The following MOXD1 variants were observed in gnomAD, a reference collection of about 807,000 sequenced individuals.
MOXD1 encodes the protein DBH-like monooxygenase protein 1.
MOXD1 carries 62 observed loss-of-function variants against 66.6 expected under a neutral mutation model. The observed-to-expected ratio is 0.93, with a 90% CI of 0.76 to 1.15. The LOEUF (loss-of-function observed/expected upper bound fraction) is 1.15. Ranked by LOEUF, MOXD1 falls within the 50% of genes most tolerant of loss-of-function variation. The pLI is 0.00. For missense variants in MOXD1, 847 were observed against 754.6 expected (o/e 1.12, Z -1.44); for synonymous variants, 303 against 281.9 (o/e 1.07, Z -0.75).
rs549191444 is a variant in MOXD1, at chr6:132,377,437, T to C, written c.265-2660A>G. On this transcript the variant is annotated intron_variant, in intron 1 of 11. Transcript: ENST00000367963. ...AAAGAGTAGAATAATTATCCGAGTC[T>C]TGCAAATATGTTTCCAAAACCATTA... is the stretch of plus-strand genomic sequence containing the variant. Among the ~76,000 whole-genome samples the C allele has an allele frequency of 3.0e-4, 45 of 152,354 alleles. 1 individual carries two copies. The highest frequency in any genetic ancestry group is 6.8e-3 in the Middle Eastern group (2 of 294).
chr6:132,297,186 T>A lies in MOXD1; in HGVS notation c.1809A>T (p.Leu603=). ...FSINLLVCLL[L]LSCTLSTKSL ...TCTTGGTGCTCAGCGTGCAGCTGAGTAGCAGAAGGCAAACAAGCAAGTTGA... is the reference window on the plus strand; with the variant it reads ...TCTTGGTGCTCAGCGTGCAGCTGAGAAGCAGAAGGCAAACAAGCAAGTTGA... The change falls in exon 12 of 12, where the codon CTA becomes CTT. Residue 603 remains leucine (L), a synonymous_variant. Coordinates refer to ENST00000367963, the MANE Select transcript of MOXD1 (RefSeq NM_015529.4). The A allele has an allele frequency of 6.2e-7, 1 of 1,613,408 alleles. No individual in the cohort carries two copies. Among genetic ancestry groups the A allele is most frequent in the Non-Finnish European group, 8.5e-7 (1 of 1,179,582 alleles).
chr6:132,369,945 T>C (rs1776230601), intron 4 of MOXD1, among the ~76,000 whole-genome samples: 1 of 152,104 alleles, frequency 6.6e-6, no homozygotes, highest in African/African-American at 2.4e-5. Context: ...AAACTGCAAA[T>C]ACAAACAAAT....
chr6:132,388,856 A>T (rs1023292234), intron 1 of MOXD1, among the ~76,000 whole-genome samples: 20 of 151,292 alleles, frequency 1.3e-4, no homozygotes, highest in Admixed American at 4.6e-4. Context: ...ACAACTGTTA[A>T]ATTTTAAACT....
At chr6:132,381,870 A>G (rs1267024552) in intron 1 of MOXD1, among the ~76,000 whole-genome samples, 2 of 152,124 alleles carry the variant, frequency 1.3e-5, no homozygotes, top group Non-Finnish European at 1.5e-5. Flanking sequence ...AACTTCCTAC[A>G]TCATTTTCAC....
intron 4 of MOXD1, among the ~76,000 whole-genome samples, chr6:132,369,789 C>T (rs1024112456): frequency 3.3e-5 from 5 of 152,064 alleles, no homozygotes; most frequent in African/African-American, 1.2e-4. Flanking sequence ...AAGATTTCAT[C>T]AAGCTACTCA....
At chr6:132,321,812 G>A (rs1400463746) in intron 8 of MOXD1, among the ~76,000 whole-genome samples, 4 of 152,104 alleles carry the variant, frequency 2.6e-5, no homozygotes, top group African/African-American at 9.7e-5. Flanking sequence ...TCTACTCTCC[G>A]GATGTATCAA....
chr6:132,377,898 G>A (rs938948525), intron 1 of MOXD1, among the ~76,000 whole-genome samples: 1 of 152,032 alleles, frequency 6.6e-6, no homozygotes, highest in Non-Finnish European at 1.5e-5. Flanking sequence ...GAGGCCAAGG[G>A]GGGTGGATCA....
intron 4 of MOXD1, among the ~76,000 whole-genome samples, chr6:132,359,635 C>T (rs1775976605): frequency 6.6e-6 from 1 of 151,826 alleles, no homozygotes; most frequent in South Asian, 2.1e-4. Flanking sequence ...TACAGGCGCC[C>T]GCCACGAAGC....
intron 4 of MOXD1, among the ~76,000 whole-genome samples, chr6:132,333,351 A>AAAAAAAAGT (rs1775366776): frequency 1.4e-5 from 2 of 141,812 alleles, no homozygotes; most frequent in Non-Finnish European, 3.0e-5. Context: ...AAAAAAAAAA[A>AAAAAAAAGT]AAAAATACTG....
chr6:132,373,389 G>A (rs1275398811), intron 2 of MOXD1, among the ~76,000 whole-genome samples: 1 of 152,146 alleles, frequency 6.6e-6, no homozygotes, highest in Admixed American at 6.5e-5. Flanking sequence ...AAAATTAAAT[G>A]CCATGGAAGA....
chr6:132,348,843 C>T (rs1775722810), intron 4 of MOXD1, among the ~76,000 whole-genome samples: 1 of 152,208 alleles, frequency 6.6e-6, no homozygotes, highest in East Asian at 1.9e-4. Flanking sequence ...GTCTTCACTC[C>T]CCGCTAAACC....
chr6:132,355,102 G>C (rs202042409), intron 4 of MOXD1, among the ~76,000 whole-genome samples: 1 of 152,210 alleles, frequency 6.6e-6, no homozygotes, highest in East Asian at 1.9e-4. Context: ...AAAAGGATTT[G>C]GTTCTTCCCT....
intron 1 of MOXD1, among the ~76,000 whole-genome samples, chr6:132,384,111 C>T (rs1013283874): frequency 2.6e-5 from 4 of 152,112 alleles, no homozygotes; most frequent in African/African-American, 9.7e-5. Flanking sequence ...CTATTTTTTG[C>T]AAGGAATAAA....
chr6:132,373,444 C>CTT (rs1776310515), intron 2 of MOXD1, among the ~76,000 whole-genome samples: 4 of 152,210 alleles, frequency 2.6e-5, no homozygotes, highest in Admixed American at 2.0e-4. Context: ...TTACCTAATA[C>CTT]TTTTCCTTTT....
At chr6:132,334,987 A>T (rs1333865974) in intron 4 of MOXD1, among the ~76,000 whole-genome samples, 1 of 152,176 alleles carries the variant, frequency 6.6e-6, no homozygotes, top group Admixed American at 6.5e-5. Flanking sequence ...AAAAAATTCT[A>T]TGTGTTGCAG....
intron 10 of MOXD1, among the ~76,000 whole-genome samples, chr6:132,299,432 G>T (rs1231278187): frequency 6.6e-6 from 1 of 151,738 alleles, no homozygotes; most frequent in Admixed American, 6.6e-5. Context: ...TAAAATAAAA[G>T]TTGAAATTTT....
intron 4 of MOXD1, among the ~76,000 whole-genome samples, chr6:132,342,495 CTG>C (rs1427783399): frequency 6.6e-6 from 1 of 152,158 alleles, no homozygotes; most frequent in African/African-American, 2.4e-5. Context: ...TTACTACTTG[CTG>C]CCAATTCATT....
intron 4 of MOXD1, among the ~76,000 whole-genome samples, chr6:132,344,265 A>C (rs1322565191): frequency 6.6e-5 from 10 of 152,234 alleles, no homozygotes; most frequent in Non-Finnish European, 1.5e-5. Context: ...GCCCATGACA[A>C]CTTGACAACT....
In MOXD1 at chr6:132,296,191, A is replaced by G. The variant is rs1774393152; in HGVS notation, c.*962T>C. Reference sequence around the variant, plus strand: ...CAAGATTTTCAATTGGTGACAATTTAAAGTCATTTATTAACTAATATAAAA... The same window carrying G: ...CAAGATTTTCAATTGGTGACAATTTGAAGTCATTTATTAACTAATATAAAA... On this transcript the variant is annotated 3_prime_UTR_variant, in exon 12 of 12. Coordinates refer to ENST00000367963, the MANE Select transcript of MOXD1 (RefSeq NM_015529.4). The G allele has an allele frequency of 6.6e-6, 1 of 152,218 alleles. No individual in the cohort carries two copies. Among genetic ancestry groups the G allele is most frequent in the Non-Finnish European group, 1.5e-5 (1 of 68,034 alleles). 9.4% of individuals were successfully genotyped at this position (152,218 alleles called of 1,614,324 possible). A position where few individuals can be genotyped will look rare whatever the true frequency, so the allele number is the denominator to read the frequency against.
Sources: gnomAD v4.1 joint callset for allele counts (sites outside exome capture counted in the v4.1 genomes callset) on GRCh38, gnomAD v4.1.1 for gene constraint, MANE v1.5 for transcripts, NCBI Gene and HGNC (gene_info 2026-07-23, HGNC 2026-07-21) for gene names.